Variants in ZNHIT3 observed in about 807,000 individuals in gnomAD.
ZNHIT3 encodes zinc finger HIT-type containing 3, also known as zinc finger HIT domain-containing protein 3.
ZNHIT3 carries 27 observed loss-of-function variants against 19.9 expected under a neutral mutation model. That is an observed-to-expected ratio of 1.36 (90% confidence interval 1.00 to 1.87). The LOEUF (loss-of-function observed/expected upper bound fraction) is 1.87. Ranked by LOEUF, ZNHIT3 falls within the 40% of genes most tolerant of loss-of-function variation. The pLI is 0.00. For synonymous variants in ZNHIT3, 81 were observed against 65.7 expected, an observed-to-expected ratio of 1.23 and a Z score of -1.13; for missense variants, 215 against 185.6, an observed-to-expected ratio of 1.16 and a Z score of -0.92.
At chr17:36,497,889 G>A, downstream of ZNHIT3, 1 of 213,828 alleles carries the variant, frequency 4.7e-6, no homozygotes. Flanking sequence ...CAGGCCCTAA[G>A]CTAAACTTTC....
At chr17:36,497,558 T>G (rs1271717801), downstream of ZNHIT3, 14 of 985,056 alleles carry the variant, frequency 1.4e-5, no homozygotes, top group Non-Finnish European at 1.2e-5. Flanking sequence ...TCCTCTTTTC[T>G]GTAATTGACC....
At chr17:36,487,365 C>T (rs576061085) in intron 2 of ZNHIT3, among the ~76,000 whole-genome samples, 61 of 152,274 alleles carry the variant, frequency 4.0e-4, no homozygotes, top group Non-Finnish European at 7.8e-4. Context: ...TATTTTCACT[C>T]GTGTAAATAA....
At chr17:36,499,265 CG>C (rs1567728172), downstream of ZNHIT3, 19 of 712,482 alleles carry the variant, frequency 2.7e-5, no homozygotes, top group Middle Eastern at 2.5e-4. Context: ...GTTTCAAATA[CG>C]TTTTTTTTTT....
At chr17:36,497,522 C>CT, downstream of ZNHIT3, 1 of 984,708 alleles carries the variant, frequency 1.0e-6, no homozygotes, top group South Asian at 4.7e-5. Flanking sequence ...TGGGTAGTTT[C>CT]TTTTTTGCTA....
At chr17:36,491,961 A>G (rs1378786210) in intron 2 of ZNHIT3, 1 of 152,216 alleles carries the variant, frequency 6.6e-6, no homozygotes, top group African/African-American at 2.4e-5. Flanking sequence ...AACAGTCTCC[A>G]TGTCATGGGG....
downstream of ZNHIT3, chr17:36,498,830 A>C (rs2071239375): frequency 3.4e-6 from 2 of 593,634 alleles, no homozygotes; most frequent in Non-Finnish European, 6.0e-6. Flanking sequence ...CAGTCTTCTA[A>C]AGTGTACATC....
At position 36,486,998 on chromosome 17, in the gene ZNHIT3, C is replaced by T. The variant is rs769665365; in HGVS notation, c.118+32C>T. 16 of 1,609,696 alleles carry T rather than the reference C, an allele frequency of 9.9e-6. No individual in the cohort carries two copies. In the Admixed American group the frequency reaches 1.7e-4, roughly 17 times the overall value. On this transcript the variant is annotated intron_variant, in intron 2 of 4. Transcript: ENST00000617429. ...CCCGTCCCCGCCAGCCCTCGTACCA[C>T]TGCGCACGGGGCAGCCCCCACGTCC...
intron 2 of ZNHIT3, chr17:36,490,442 T>C (rs925028121): frequency 6.6e-6 from 1 of 152,224 alleles, no homozygotes; most frequent in Non-Finnish European, 1.5e-5. Context: ...CATTGATCTA[T>C]GTGTCTATTT....
At chr17:36,493,850 G>A in intron 3 of ZNHIT3, 76 bp from the exon 4 acceptor site, 2 of 1,000,294 alleles carry the variant, frequency 2.0e-6, no homozygotes, top group Admixed American at 3.6e-5. Flanking sequence ...TTTTTATCCT[G>A]TTCAAGTAGT....
At chr17:36,498,471 G>C, downstream of ZNHIT3, 1 of 1,614,040 alleles carries the variant, frequency 6.2e-7, no homozygotes, top group South Asian at 1.1e-5. Context: ...GGTCTGCAGC[G>C]GCGAGGTGCT....
chr17:36,493,882 C>T (rs2070787792), intron 3 of ZNHIT3, 44 bp from the exon 4 acceptor site: 1 of 1,407,836 alleles, frequency 7.1e-7, no homozygotes, highest in Non-Finnish European at 1.0e-6. Flanking sequence ...GGTGCCCAGG[C>T]CTCCTTTTTA....
downstream of ZNHIT3, chr17:36,499,192 TAATA>T (rs1567727947): frequency 9.0e-6 from 14 of 1,548,118 alleles, no homozygotes; most frequent in Non-Finnish European, 1.1e-5. Context: ...AGGAAAGAGA[TAATA>T]AAGGGGCCAT....
At chr17:36,493,221 C>T (rs2070768457) in intron 3 of ZNHIT3, 1 of 387,852 alleles carries the variant, frequency 2.6e-6, no homozygotes, top group African/African-American at 2.1e-5. Context: ...CTCCATGAAT[C>T]TGGCTGGGAC....
chr17:36,495,083 C>T, intron 4 of ZNHIT3, 140 bp from the exon 5 acceptor site: 1 of 1,030,446 alleles, frequency 9.7e-7, no homozygotes, highest in Non-Finnish European at 1.4e-6. Context: ...CCTTGACCTC[C>T]CCAGTTGCTG....
chr17:36,492,568 G>A, intron 2 of ZNHIT3: 1 of 491,882 alleles, frequency 2.0e-6, no homozygotes, highest in South Asian at 3.4e-5. Flanking sequence ...GTAAGATTCG[G>A]CAGGGTAGGG....
chr17:36,495,764 TTATTC>T lies in ZNHIT3; in HGVS notation c.*361_*365del. 6 of 1,241,724 alleles carry T rather than the reference TTATTC, an allele frequency of 4.8e-6. No individual in the cohort carries two copies. Among genetic ancestry groups the T allele is most frequent in the Non-Finnish European group, 6.0e-6 (6 of 993,598 alleles). 76.9% of individuals were successfully genotyped at this position (1,241,724 alleles called of 1,614,324 possible). A position where few individuals can be genotyped will look rare whatever the true frequency, so the allele number is the denominator to read the frequency against. ...AAACGTGATTCTACTGTACATTGCA[TTATTC>T]ATAATTTAATTGTTTGAAATTACAT... On this transcript the variant is annotated 3_prime_UTR_variant, in exon 5 of 5. Transcript: ENST00000617429.
chr17:36,488,195 A>G (rs562926028), intron 2 of ZNHIT3, among the ~76,000 whole-genome samples: 1 of 151,996 alleles, frequency 6.6e-6, no homozygotes, highest in Non-Finnish European at 1.5e-5. Context: ...AATCTCAGCA[A>G]TGAGACTGTA....
downstream of ZNHIT3, chr17:36,498,535 T>G (rs374641047): frequency 6.2e-7 from 1 of 1,612,922 alleles, no homozygotes; most frequent in South Asian, 1.1e-5. Flanking sequence ...TCCAGCTCTT[T>G]AGCAGCAAGG....
At chr17:36,488,741 A>G (rs949074931) in intron 2 of ZNHIT3, among the ~76,000 whole-genome samples, 2 of 152,218 alleles carry the variant, frequency 1.3e-5, no homozygotes, top group African/African-American at 4.8e-5. Flanking sequence ...ACAGTGTGAT[A>G]CTTCGATACC....
Sources: allele counts gnomAD v4.1 joint callset (sites outside exome capture counted in the v4.1 genomes callset), GRCh38; gene constraint gnomAD v4.1.1; transcripts MANE v1.5; gene names NCBI Gene and HGNC (gene_info 2026-07-23, HGNC 2026-07-21).